Variants in RAD23B observed in about 807,000 individuals in gnomAD.
RAD23B encodes lysine-specific demethylase RAD23B.
In RAD23B, 5 loss-of-function variants were observed where a neutral mutation model predicts 49.1. That is an observed-to-expected ratio of 0.10 (90% confidence interval 0.05 to 0.21). RAD23B has a LOEUF of 0.21. RAD23B is among the 10% of genes least tolerant of loss of function. The probability of loss-of-function intolerance (pLI) is 1.00; values close to 1 mark genes in which losing one functional copy is unlikely to be tolerated. For missense variants in RAD23B, 356 were observed against 486.7 expected, an observed-to-expected ratio of 0.73 and a Z score of 2.53; for synonymous variants, 184 against 165.4, an observed-to-expected ratio of 1.11 and a Z score of -0.86.
At chr9:107,324,309 GT>G (rs768993496) in intron 8 of RAD23B, among the ~76,000 whole-genome samples, 1 of 152,178 alleles carries the variant, frequency 6.6e-6, no homozygotes, top group Non-Finnish European at 1.5e-5. Context: ...TTGGGAAGCT[GT>G]TTAACAGAGA....
intron 1 of RAD23B, among the ~76,000 whole-genome samples, chr9:107,287,488 TTA>T (rs1311426758): frequency 1.3e-5 from 2 of 152,222 alleles, no homozygotes; most frequent in Admixed American, 1.3e-4. Context: ...GACATCAGTT[TTA>T]ATATCTATAA....
intron 5 of RAD23B, among the ~76,000 whole-genome samples, chr9:107,317,453 A>G (rs1435862018): frequency 1.3e-5 from 2 of 152,070 alleles, no homozygotes; most frequent in African/African-American, 2.4e-5. Flanking sequence ...TAGTTGAGGA[A>G]TGAGTGGAAT....
chr9:107,296,183 G>T (rs940398535), intron 1 of RAD23B, among the ~76,000 whole-genome samples: 2 of 152,174 alleles, frequency 1.3e-5, no homozygotes, highest in African/African-American at 4.8e-5. Flanking sequence ...TTTTAGACAG[G>T]TCAGTGCACC....
intron 9 of RAD23B, among the ~76,000 whole-genome samples, chr9:107,327,747 T>C (rs1827238090): frequency 6.6e-6 from 1 of 152,168 alleles, no homozygotes; most frequent in African/African-American, 2.4e-5. Context: ...TCTATAAATA[T>C]CTGATAGATC....
chr9:107,330,978 G>A lies in RAD23B; in HGVS notation c.*1322G>A, dbSNP rs889566670. ...GCATTGTTATTTAATCATAAACGGG[G>A]CAGATGTCTACTTGTTCAGTTTTTC... On this transcript the variant is annotated 3_prime_UTR_variant, in exon 10 of 10. Transcript: ENST00000358015. This position sits in a 1 kb window ranked among gnomAD's most constrained non-coding sequence, Gnocchi z 4.4. The A allele has an allele frequency of 6.6e-6, 1 of 152,544 alleles. No homozygotes were observed. Among genetic ancestry groups the A allele is most frequent in the African/African-American group, 2.4e-5 (1 of 41,414 alleles). 9.4% of individuals were successfully genotyped at this position (152,544 alleles called of 1,614,324 possible).
chr9:107,321,028 T>A (rs1827100029), intron 6 of RAD23B, among the ~76,000 whole-genome samples: 1 of 152,202 alleles, frequency 6.6e-6, no homozygotes, highest in Non-Finnish European at 1.5e-5. Context: ...AAAGACTTTT[T>A]AAAAATTTTA....
intron 1 of RAD23B, chr9:107,284,668 G>A (rs1278095831): frequency 3.7e-6 from 4 of 1,075,064 alleles, no homozygotes; most frequent in Non-Finnish European, 4.6e-6. Context: ...TACTGCTTAT[G>A]TTCGGAAATA....
At chr9:107,285,681 C>G (rs1833262325) in intron 1 of RAD23B, among the ~76,000 whole-genome samples, 2 of 152,080 alleles carry the variant, frequency 1.3e-5, no homozygotes, top group African/African-American at 2.4e-5. Context: ...TTGAAAAGCC[C>G]ATTGTTAGGG....
chr9:107,327,331 T>C, intron 9 of RAD23B, among the ~76,000 whole-genome samples: 1 of 151,094 alleles, frequency 6.6e-6, no homozygotes, highest in East Asian at 1.9e-4. Context: ...TTAGGTTAGG[T>C]TTAGTTTAGT....
At chr9:107,311,235 A>G (rs1245446977) in intron 4 of RAD23B, among the ~76,000 whole-genome samples, 1 of 152,176 alleles carries the variant, frequency 6.6e-6, no homozygotes, top group Non-Finnish European at 1.5e-5. Flanking sequence ...GAACTTACCT[A>G]TAAGACTTCA....
At chr9:107,298,368 C>T (rs773203629) in intron 1 of RAD23B, among the ~76,000 whole-genome samples, 3 of 151,562 alleles carry the variant, frequency 2.0e-5, no homozygotes, top group African/African-American at 7.3e-5. Flanking sequence ...GGCTGGAGTG[C>T]AGTGGTATGA....
At chr9:107,322,214 A>C (rs1239017798) in intron 7 of RAD23B, 96 bp downstream of exon 7, 4 of 1,375,640 alleles carry the variant, frequency 2.9e-6, no homozygotes, top group Non-Finnish European at 1.9e-6. Flanking sequence ...GTTCATTCCC[A>C]GAGCAGTCGA....
intron 1 of RAD23B, among the ~76,000 whole-genome samples, chr9:107,291,018 G>A (rs547500726): frequency 3.3e-5 from 5 of 152,282 alleles, no homozygotes; most frequent in South Asian, 2.1e-4. Flanking sequence ...ATAGTGTCAC[G>A]AAAGCTAATT....
intron 3 of RAD23B, among the ~76,000 whole-genome samples, chr9:107,305,282 G>A (rs965765586): frequency 3.3e-5 from 5 of 152,156 alleles, no homozygotes; most frequent in Non-Finnish European, 7.3e-5. Flanking sequence ...CAGTCTGGGC[G>A]ATAGAGTGAG....
chr9:107,291,888 CCTTA>C (rs757558438), intron 1 of RAD23B, among the ~76,000 whole-genome samples: 1 of 152,164 alleles, frequency 6.6e-6, no homozygotes, highest in Non-Finnish European at 1.5e-5. Context: ...ATTAGAACTG[CCTTA>C]GACCTTTTTC....
chr9:107,329,529 C>T lies in RAD23B; in HGVS notation c.1117-14C>T, dbSNP rs1403787885. 21 of 1,500,684 alleles carry T rather than the reference C, an allele frequency of 1.4e-5. No individual in the cohort carries two copies. In the Admixed American group the frequency reaches 1.8e-4, roughly 13 times the overall value. The allele number at this position is 1,500,684 out of a possible 1,614,324, so 93.0% of individuals were successfully genotyped here. A position where few individuals can be genotyped will look rare whatever the true frequency, so the allele number is the denominator to read the frequency against. ...TGGTGTGTTGGATTTATATTTTTTT[C>T]CTTTTTCTTCCAGTTAAAGGCATTA... On this transcript the variant is annotated splice_polypyrimidine_tract_variant and intron_variant, in intron 9 of 9. Coordinates refer to ENST00000358015, the MANE Select transcript of RAD23B (RefSeq NM_002874.5).
chr9:107,309,581 T>C (rs975329502), intron 4 of RAD23B, among the ~76,000 whole-genome samples: 12 of 152,256 alleles, frequency 7.9e-5, no homozygotes, highest in Non-Finnish European at 1.6e-4. Flanking sequence ...TAAAGAATAA[T>C]GGTTAAAGTC....
chr9:107,326,198 A>G (rs909294905), intron 9 of RAD23B, among the ~76,000 whole-genome samples: 2 of 151,960 alleles, frequency 1.3e-5, no homozygotes, highest in Non-Finnish European at 2.9e-5. Flanking sequence ...TTTTGTCTGA[A>G]TTTGGTGTCT....
At chr9:107,301,817 A>C (rs559184652) in intron 2 of RAD23B, among the ~76,000 whole-genome samples, 2 of 152,106 alleles carry the variant, frequency 1.3e-5, no homozygotes, top group African/African-American at 2.4e-5. Flanking sequence ...TTGGGATTAC[A>C]GGTGTGAGCC....
Sources: gnomAD v4.1 joint callset for allele counts (sites outside exome capture counted in the v4.1 genomes callset) on GRCh38, gnomAD v4.1.1 for gene constraint, Gnocchi (gnomAD v3.1) non-coding constraint, MANE v1.5 for transcripts, NCBI Gene and HGNC (gene_info 2026-07-23, HGNC 2026-07-21) for gene names.